Variants in MYO18B observed in about 807,000 individuals in gnomAD.
MYO18B encodes myosin XVIIIB.
MYO18B carries 204 observed loss-of-function variants against 273.0 expected under a neutral mutation model. The ratio of observed to expected loss-of-function variants is 0.75; its 90% CI spans 0.67 to 0.84. The LOEUF (loss-of-function observed/expected upper bound fraction) is 0.84. Among genes scored for constraint, MYO18B ranks in the 40% least tolerant of loss-of-function variants. MYO18B has a pLI of 0.00. For synonymous variants in MYO18B, 1,330 were observed against 1,305.7 expected (o/e 1.02, Z -0.40); for missense variants, 3,212 against 3,287.6 (o/e 0.98, Z 0.56).
chr22:25,797,169 A>G lies in MYO18B; in HGVS notation c.2377-784A>G, dbSNP rs909305188. 1.3e-5 allele frequency among the ~76,000 whole-genome samples: 2 copies of G among 152,196 alleles called. 1 individual carries two copies. The highest frequency in any genetic ancestry group is 2.9e-5 in the Non-Finnish European group (2 of 68,036). On this transcript the variant is annotated intron_variant, in intron 11 of 43. Transcript: ENST00000335473. ...TTGAGCCCGGGGGCGCGGAGGTTGC[A>G]GTGAGCTGAGATTGTGCCGTTGCAC...
intron 12 of MYO18B, among the ~76,000 whole-genome samples, chr22:25,805,063 C>T (rs1436720799): frequency 3.3e-5 from 5 of 152,184 alleles, no homozygotes; most frequent in Admixed American, 2.6e-4. Flanking sequence ...CCCTTTCCCT[C>T]ACTCCTCATG....
intron 39 of MYO18B, among the ~76,000 whole-genome samples, chr22:25,979,021 G>A (rs1173645230): frequency 2.0e-5 from 3 of 152,166 alleles, no homozygotes; most frequent in African/African-American, 7.2e-5. Flanking sequence ...ACAGAGAGCA[G>A]AGGAAAGATG....
chr22:26,000,873 G>T (rs975916735), intron 40 of MYO18B, among the ~76,000 whole-genome samples: 5 of 152,174 alleles, frequency 3.3e-5, no homozygotes, highest in East Asian at 1.9e-4. Context: ...TAGATATTCT[G>T]TGCAAGTTTA....
chr22:25,968,815 T>G (rs146476739), intron 39 of MYO18B, among the ~76,000 whole-genome samples: 2 of 152,162 alleles, frequency 1.3e-5, no homozygotes, highest in African/African-American at 4.8e-5. Flanking sequence ...ACCAGACGAC[T>G]TTTAAAGCTC....
Position 25,905,392 on chromosome 22 carries a change from G to A in MYO18B, c.5148+1561G>A, listed in dbSNP as rs114495268. The stretch of plus-strand genomic sequence containing the variant: ...GCATCATGCACTCTGTGGATGCTGA[G>A]GGTGCAATTGCAAATAAGACAGACA... On this transcript the variant is annotated intron_variant, in intron 31 of 43. Transcript: ENST00000335473. Among the ~76,000 whole-genome samples, 517 of 152,318 alleles carry A rather than the reference G, an allele frequency of 3.4e-3. 1 individual carries two copies. Among genetic ancestry groups the A allele is most frequent in the African/African-American group, 0.012 (504 of 41,568 alleles).
At chr22:26,032,997 ATAT>A (rs1453654975), downstream of MYO18B, among the ~76,000 whole-genome samples, 1 of 152,192 alleles carries the variant, frequency 6.6e-6, no homozygotes, top group African/African-American at 2.4e-5. Context: ...TACAGAATGA[ATAT>A]TATTATACAG....
intron 18 of MYO18B, among the ~76,000 whole-genome samples, chr22:25,844,993 G>C (rs1374131026): frequency 6.6e-6 from 1 of 152,200 alleles, no homozygotes; most frequent in African/African-American, 2.4e-5. Flanking sequence ...CTGTAGCCCA[G>C]CTTTGGGGAC....
At chr22:25,834,532 C>A (rs2089829231) in intron 16 of MYO18B, among the ~76,000 whole-genome samples, 1 of 152,154 alleles carries the variant, frequency 6.6e-6, no homozygotes, top group Non-Finnish European at 1.5e-5. Flanking sequence ...AGGACTTTCC[C>A]AGCTTTAGCA....
intron 39 of MYO18B, among the ~76,000 whole-genome samples, chr22:25,975,058 A>T (rs2093074229): frequency 6.6e-6 from 1 of 152,150 alleles, no homozygotes; most frequent in Admixed American, 6.5e-5. Flanking sequence ...CCCCTCGATC[A>T]GAAGCAAAAG....
intron 40 of MYO18B, among the ~76,000 whole-genome samples, chr22:26,000,502 G>A (rs1475925660): frequency 1.3e-5 from 2 of 151,624 alleles, no homozygotes; most frequent in African/African-American, 4.8e-5. Context: ...AGTCTATATG[G>A]TAGTGAGTTC....
rs1197270704 is a variant in MYO18B, at chr22:25,895,202, G to A, written c.4590G>A (p.Glu1530=). 2.5e-6 allele frequency: 4 copies of A among 1,611,742 alleles called. No individual in the cohort carries two copies. In the East Asian group the frequency reaches 6.7e-5, roughly 27 times the overall value. ...TCGACTGTGCTCAGATGGAGAACGA[G>A]TTCCTCAGAAAGCGTCTGCAGCAAT... is the stretch of plus-strand genomic sequence containing the variant. ...MRFDCAQMEN[E]FLRKRLQQCE... Residue 1530 remains glutamate (E), a synonymous_variant, in exon 28 of 44, where the codon GAG becomes GAA. Coordinates refer to ENST00000335473, the MANE Select transcript of MYO18B (RefSeq NM_032608.7).
chr22:25,921,340 C>T lies in MYO18B; in HGVS notation c.5448C>T (p.Leu1816=), dbSNP rs754238505. 3 of 1,586,388 alleles carry T rather than the reference C, an allele frequency of 1.9e-6. No individual in the cohort carries two copies. The highest frequency in any genetic ancestry group is 2.6e-6 in the Non-Finnish European group (3 of 1,166,418). The stretch of plus-strand genomic sequence containing the variant: ...ATGCACTGTTGTCAGACGTGCAGCT[C>T]CTTCTGGGCACCATGGAGGATGGCA... The part of the protein sequence containing the change: ...RTHALLSDVQ[L]LLGTMEDGKT... Residue 1816 remains leucine, a synonymous_variant, in exon 34 of 44, where the codon CTC becomes CTT. Coordinates refer to ENST00000335473, the MANE Select transcript of MYO18B (RefSeq NM_032608.7).
chr22:25,807,027 C>G (rs2088510461), intron 12 of MYO18B, among the ~76,000 whole-genome samples: 2 of 152,196 alleles, frequency 1.3e-5, no homozygotes, highest in African/African-American at 2.4e-5. Context: ...CTTTTCTTTG[C>G]AAAGCATTTT....
At chr22:25,851,112 G>A (rs1304070830) in intron 20 of MYO18B, among the ~76,000 whole-genome samples, 1 of 152,156 alleles carries the variant, frequency 6.6e-6, no homozygotes, top group Non-Finnish European at 1.5e-5. Context: ...CTAACGTTGG[G>A]AAACTCAAGG....
chr22:25,757,569 A>G (rs933248968), intron 1 of MYO18B, among the ~76,000 whole-genome samples: 5 of 151,940 alleles, frequency 3.3e-5, no homozygotes, highest in Admixed American at 3.3e-4. Context: ...CCTGGGCAAC[A>G]GAGCAAGACT....
chr22:25,876,316 A>G lies in MYO18B; in HGVS notation c.4208A>G (p.Gln1403Arg). 1 of 1,612,054 alleles carries G rather than the reference A, an allele frequency of 6.2e-7. No homozygotes were observed. Among genetic ancestry groups the G allele is most frequent in the Non-Finnish European group, 8.5e-7 (1 of 1,178,788 alleles). Residue 1403 changes from glutamine (Q) to arginine (R), a missense_variant, in exon 24 of 44, where the codon CAG becomes CGG. Transcript: ENST00000335473. Reference sequence around the variant, plus strand: ...CTTAGTGCCACCATTGGAACTGAGCAGCTCCGAGCCAAGGAGGTCAGTCTA... The same window carrying G: ...CTTAGTGCCACCATTGGAACTGAGCGGCTCCGAGCCAAGGAGGTCAGTCTA... ...PLLSATIGTE[Q>R]LRAKEEELTT...
Position 25,768,548 on chromosome 22 carries a change from C to T in MYO18B, c.632C>T (p.Pro211Leu), listed in dbSNP as rs764257264. ...CAGGCCAGCACCGAGATCTTGGCCC[C>T]GAAAGCTGAGAAGACCCGGACTGGG... ...GSQASTEILA[P>L]KAEKTRTGGL... Residue 211 changes from proline (P) to leucine (L), a missense_variant, in exon 4 of 44, where the codon CCG becomes CTG. Pro to Leu is a moderately conservative substitution (Grantham distance 98). Coordinates refer to ENST00000335473, the MANE Select transcript of MYO18B (RefSeq NM_032608.7). The T allele has an allele frequency of 1.3e-5, 20 of 1,544,262 alleles. No individual in the cohort carries two copies. The highest frequency in any genetic ancestry group is 2.8e-5 in the African/African-American group (2 of 72,322).
In MYO18B at chr22:25,823,551, T is replaced by A; in HGVS notation, c.2568T>A (p.Ala856=). ...FMRFEWANYA[A]EALGCEYEEL... ...GGTTTGAGTGGGCAAACTACGCAGC[T>A]GAGGCCCTGGGCTGCGAGTATGAGG... The change falls in exon 13 of 44, where the codon GCT becomes GCA. Residue 856 remains alanine, a synonymous_variant. Coordinates refer to ENST00000335473, the MANE Select transcript of MYO18B (RefSeq NM_032608.7). 1 of 1,613,970 alleles carries A rather than the reference T, an allele frequency of 6.2e-7. No homozygotes were observed. Among genetic ancestry groups the A allele is most frequent in the Non-Finnish European group, 8.5e-7 (1 of 1,179,870 alleles).
intron 42 of MYO18B, 31 bp downstream of exon 42, chr22:26,004,886 G>T: frequency 6.2e-7 from 1 of 1,611,178 alleles, no homozygotes; most frequent in East Asian, 2.2e-5. Context: ...CCTCTGGATG[G>T]CTAATAGCTT....
Sources: gnomAD v4.1 joint callset for allele counts (sites outside exome capture counted in the v4.1 genomes callset) on GRCh38, gnomAD v4.1.1 for gene constraint, MANE v1.5 for transcripts, NCBI Gene and HGNC (gene_info 2026-07-23, HGNC 2026-07-21) for gene names.